Variants in CREM observed in about 807,000 individuals in gnomAD.
CREM encodes cAMP-responsive element modulator.
Under a neutral mutation model 37.3 loss-of-function variants are expected in CREM, and 13 were observed. The observed-to-expected ratio is 0.35, with a 90% CI of 0.23 to 0.55. The LOEUF (loss-of-function observed/expected upper bound fraction) is 0.55. Ranked by LOEUF, CREM falls within the 20% of genes least tolerant of loss-of-function variation. CREM has a pLI of 0.88. For missense variants in CREM, 296 were observed against 362.3 expected (o/e 0.82, Z 1.49); for synonymous variants, 124 against 120.2 (o/e 1.03, Z -0.21).
intron 3 of CREM, among the ~76,000 whole-genome samples, chr10:35,169,054 T>C (rs2093682046): frequency 6.6e-6 from 1 of 152,228 alleles, no homozygotes; most frequent in African/African-American, 2.4e-5. Flanking sequence ...TTTGTTCTTT[T>C]GGTTTAGGAT....
chr10:35,199,460 TAAAA>T (rs925240904), intron 6 of CREM, among the ~76,000 whole-genome samples: 1 of 152,142 alleles, frequency 6.6e-6, no homozygotes, highest in Admixed American at 6.6e-5. Flanking sequence ...AACTTTAAAA[TAAAA>T]AAATCACTTA....
chr10:35,200,499 T>C (rs1012929701), intron 6 of CREM, among the ~76,000 whole-genome samples: 2 of 152,246 alleles, frequency 1.3e-5, no homozygotes, highest in South Asian at 2.1e-4. Context: ...CTATGTGTTA[T>C]AGTGATTGTA....
intron 3 of CREM, among the ~76,000 whole-genome samples, chr10:35,167,203 ATAT>A (rs2093597369): frequency 6.6e-6 from 1 of 152,206 alleles, no homozygotes; most frequent in African/African-American, 2.4e-5. Flanking sequence ...TTGATTTATA[ATAT>A]TCTTATTATT....
intron 1 of CREM, among the ~76,000 whole-genome samples, chr10:35,136,355 C>T (rs1432444921): frequency 6.6e-6 from 1 of 152,194 alleles, no homozygotes; most frequent in East Asian, 1.9e-4. Context: ...TCCTGCAGTG[C>T]CCCAGTGTCT....
intron 3 of CREM, among the ~76,000 whole-genome samples, chr10:35,161,277 G>A (rs1318633355): frequency 6.6e-6 from 1 of 151,884 alleles, no homozygotes; most frequent in East Asian, 2.0e-4. Context: ...TGGGATTACA[G>A]TCGTGCATCA....
rs1217189064 is a variant in CREM, at chr10:35,209,321, A to G, written c.756-1933A>G. On this transcript the variant is annotated intron_variant, in intron 7 of 7. Transcript: ENST00000685392. ...TTTTATTTCTTTCCAGCCTTGTCAG[A>G]GTTTCTTCCTTGCCTTGCACTTCCT... The G allele has an allele frequency of 3.2e-5, 32 of 985,282 alleles. No individual in the cohort carries two copies. The Admixed American group carries it at 7.4e-4, about 23-fold the overall frequency. 61.0% of individuals were successfully genotyped at this position (985,282 alleles called of 1,614,324 possible). A position where few individuals can be genotyped will look rare whatever the true frequency, so the allele number is the denominator to read the frequency against.
At chr10:35,171,145 G>A (rs1369928047) in intron 3 of CREM, 1 of 135,234 alleles carries the variant, frequency 7.4e-6, no homozygotes, top group Non-Finnish European at 1.6e-5. Context: ...TCTGCAGCAG[G>A]TATTCTTAAC....
intron 3 of CREM, among the ~76,000 whole-genome samples, chr10:35,160,428 T>C (rs2093218362): frequency 6.6e-6 from 1 of 152,074 alleles, no homozygotes; most frequent in Non-Finnish European, 1.5e-5. Flanking sequence ...TAATAGAATT[T>C]TGTTCTTTTG....
At chr10:35,173,839 T>C (rs2093932527) in intron 3 of CREM, among the ~76,000 whole-genome samples, 1 of 152,150 alleles carries the variant, frequency 6.6e-6, no homozygotes, top group South Asian at 2.1e-4. Flanking sequence ...AAACAAAAGC[T>C]CTTTGAGGTC....
intron 1 of CREM, among the ~76,000 whole-genome samples, chr10:35,133,896 G>A (rs773239051): frequency 1.8e-4 from 28 of 152,236 alleles, no homozygotes; most frequent in Non-Finnish European, 2.2e-4. Context: ...GGCTTCACAG[G>A]AGTGGAGAAC....
rs1244602655 is a variant in CREM, at chr10:35,212,420, AC to A, written c.*1023del. ...TGCTCATTTAAATATCTGAACATTT[AC>A]TACAGTTTTTAACTCTACTGTGTAA... is the stretch of plus-strand genomic sequence containing the variant. On this transcript the variant is annotated 3_prime_UTR_variant, in exon 8 of 8. Coordinates refer to ENST00000685392, the MANE Select transcript of CREM (RefSeq NM_183011.2). 2.0e-5 allele frequency: 3 copies of A among 152,652 alleles called. No individual in the cohort carries two copies. The highest frequency in any genetic ancestry group is 7.2e-5 in the African/African-American group (3 of 41,446). The allele number at this position is 152,652 out of a possible 1,614,324, so 9.5% of individuals were successfully genotyped here.
At chr10:35,211,170 GT>G in intron 7 of CREM, 83 bp from the exon 8 acceptor site, 1 of 1,485,314 alleles carries the variant, frequency 6.7e-7, no homozygotes, top group South Asian at 1.3e-5. Flanking sequence ...TGGCTGTTGA[GT>G]TCGGGGGGCA....
At chr10:35,143,940 G>A (rs1225452760) in intron 2 of CREM, among the ~76,000 whole-genome samples, 1 of 152,152 alleles carries the variant, frequency 6.6e-6, no homozygotes, top group Non-Finnish European at 1.5e-5. Context: ...GTGAGGGATT[G>A]TATTATGGAG....
intron 6 of CREM, 30 bp from the exon 7 acceptor site, chr10:35,206,865 A>G (rs1389746529): frequency 6.2e-7 from 1 of 1,610,496 alleles, no homozygotes; most frequent in African/African-American, 1.3e-5. Flanking sequence ...AATTCTTTAT[A>G]TAAGCTCAAA....
At chr10:35,153,327 T>C (rs1228175287) in intron 3 of CREM, among the ~76,000 whole-genome samples, 2 of 152,232 alleles carry the variant, frequency 1.3e-5, no homozygotes, top group Non-Finnish European at 2.9e-5. Flanking sequence ...CGCTGAAGTA[T>C]TTTAAGCTGC....
At chr10:35,137,990 T>C (rs2090837829) in intron 2 of CREM, 111 bp downstream of exon 2, 1 of 651,742 alleles carries the variant, frequency 1.5e-6, no homozygotes, top group Non-Finnish European at 2.3e-6. Context: ...GTATATATAT[T>C]CTATTATAAT....
At chr10:35,161,896 C>G (rs1427762152) in intron 3 of CREM, among the ~76,000 whole-genome samples, 3 of 152,064 alleles carry the variant, frequency 2.0e-5, no homozygotes, top group African/African-American at 7.2e-5. Context: ...ATAGAAGTAC[C>G]AGATGATCCA....
At chr10:35,162,300 C>T (rs946825214) in intron 3 of CREM, among the ~76,000 whole-genome samples, 2 of 151,866 alleles carry the variant, frequency 1.3e-5, no homozygotes, top group Non-Finnish European at 2.9e-5. Context: ...AAATGTTGGT[C>T]CAAGAATATA....
intron 5 of CREM, among the ~76,000 whole-genome samples, chr10:35,183,928 G>A (rs1227537550): frequency 1.3e-5 from 2 of 152,166 alleles, no homozygotes; most frequent in African/African-American, 2.4e-5. Flanking sequence ...TACAAAATTA[G>A]CCGGGTGTGG....
Sources: gnomAD v4.1 joint callset for allele counts (sites outside exome capture counted in the v4.1 genomes callset) on GRCh38, gnomAD v4.1.1 for gene constraint, MANE v1.5 for transcripts, NCBI Gene and HGNC (gene_info 2026-07-23, HGNC 2026-07-21) for gene names.